The following UNC13C variants were observed in gnomAD, a reference collection of about 807,000 sequenced individuals.
UNC13C encodes the protein protein unc-13 homolog C.
In UNC13C, 174 loss-of-function variants were observed where a neutral mutation model predicts 245.4. The observed-to-expected ratio is 0.71, with a 90% confidence interval of 0.63 to 0.80. The LOEUF (loss-of-function observed/expected upper bound fraction) is 0.80. UNC13C is among the 30% of genes least tolerant of loss of function. The pLI is 0.00. For missense variants in UNC13C, 2,829 were observed against 2,602.9 expected (o/e 1.09, Z -1.89); for synonymous variants, 992 against 895.1 (o/e 1.11, Z -1.93).
At chr15:53,951,346 A>G in the UNC13C span, among the ~76,000 whole-genome samples, 34,244 of 152,208 alleles carry the variant, frequency 0.22, 4,877 homozygotes, top group Non-Finnish European at 0.31. Context: ...AAGGCTTCCT[A>G]TGGTATTCAA....
chr15:54,297,463 C>CT (rs1235487358), intron 11 of UNC13C, among the ~76,000 whole-genome samples: 5 of 152,044 alleles, frequency 3.3e-5, no homozygotes, highest in African/African-American at 4.8e-5. Context: ...AGAGATCCTC[C>CT]TGCCTCAGCC....
chr15:54,347,103 A>C (rs2038876465), intron 17 of UNC13C, among the ~76,000 whole-genome samples: 4 of 152,190 alleles, frequency 2.6e-5, no homozygotes, highest in Non-Finnish European at 5.9e-5. Context: ...GCATGAACAC[A>C]TCCATTTTAA....
intron 2 of UNC13C, among the ~76,000 whole-genome samples, chr15:54,118,938 A>G (rs2141190108): frequency 6.6e-6 from 1 of 150,870 alleles, no homozygotes; most frequent in Middle Eastern, 3.5e-3. Flanking sequence ...GTGATGTATC[A>G]CATTGATTGA....
At chr15:54,203,731 CAT>C (rs2034604597) in intron 4 of UNC13C, among the ~76,000 whole-genome samples, 2 of 131,582 alleles carry the variant, frequency 1.5e-5, no homozygotes, top group African/African-American at 2.6e-5. Flanking sequence ...CATATATACA[CAT>C]ATACATATAT....
intron 8 of UNC13C, among the ~76,000 whole-genome samples, chr15:54,263,791 A>G (rs528533602): frequency 6.6e-6 from 1 of 152,158 alleles, no homozygotes; most frequent in East Asian, 1.9e-4. Flanking sequence ...CTATTTCTCA[A>G]TTTTATTTTG....
At chr15:54,579,700 A>C (rs1461163995) in intron 30 of UNC13C, among the ~76,000 whole-genome samples, 1 of 152,194 alleles carries the variant, frequency 6.6e-6, no homozygotes, top group Admixed American at 6.5e-5. Flanking sequence ...CAGAGGTTGC[A>C]GTGAGCCGAG....
intron 10 of UNC13C, among the ~76,000 whole-genome samples, chr15:54,270,879 C>G (rs2036670489): frequency 6.6e-6 from 1 of 151,806 alleles, no homozygotes; most frequent in South Asian, 2.1e-4. Flanking sequence ...TTTTTTTCCC[C>G]CTACATCCAA....
At chr15:53,927,451 G>T in the UNC13C span, among the ~76,000 whole-genome samples, 1 of 152,208 alleles carries the variant, frequency 6.6e-6, no homozygotes, top group African/African-American at 2.4e-5. Context: ...TTTGGAGATA[G>T]AATTGATAGC....
intron 2 of UNC13C, among the ~76,000 whole-genome samples, chr15:54,131,910 T>C (rs1400726347): frequency 2.6e-5 from 4 of 152,096 alleles, no homozygotes; most frequent in Middle Eastern, 3.4e-3. Context: ...CCTTCACACA[T>C]CAACAAAACC....
chr15:53,849,162 A>T, the UNC13C span, among the ~76,000 whole-genome samples: 1 of 151,866 alleles, frequency 6.6e-6, no homozygotes, highest in Non-Finnish European at 1.5e-5. Flanking sequence ...ATCTAATATG[A>T]TATTTTCTGC....
intron 1 of UNC13C, among the ~76,000 whole-genome samples, chr15:54,007,693 G>A (rs1028116608): frequency 4.6e-5 from 7 of 152,144 alleles, no homozygotes; most frequent in African/African-American, 1.7e-4. Context: ...GGGTTGACAG[G>A]TGTAGCAAAC....
At chr15:53,945,514 T>C in the UNC13C span, among the ~76,000 whole-genome samples, 2 of 152,198 alleles carry the variant, frequency 1.3e-5, no homozygotes, top group African/African-American at 4.8e-5. Flanking sequence ...CTTTCCCCAT[T>C]GCTCATTTTT....
At chr15:54,459,586 AT>A (rs1372550285) in intron 19 of UNC13C, among the ~76,000 whole-genome samples, 1 of 151,494 alleles carries the variant, frequency 6.6e-6, no homozygotes, top group Non-Finnish European at 1.5e-5. Context: ...AGTTTTTTTC[AT>A]TTTTTTCTCT....
intron 2 of UNC13C, among the ~76,000 whole-genome samples, chr15:54,033,856 C>T (rs181189371): frequency 1.3e-5 from 2 of 152,198 alleles, no homozygotes; most frequent in Non-Finnish European, 2.9e-5. Flanking sequence ...TATGTCCTTT[C>T]ACTCTTCATT....
chr15:54,259,988 C>T (rs778075680), intron 8 of UNC13C, among the ~76,000 whole-genome samples: 2 of 151,612 alleles, frequency 1.3e-5, no homozygotes, highest in Non-Finnish European at 2.9e-5. Context: ...TTTCATAACA[C>T]ATTAAATTAA....
At chr15:54,038,961 A>C (rs11855892) in intron 2 of UNC13C, among the ~76,000 whole-genome samples, 1 of 152,086 alleles carries the variant, frequency 6.6e-6, no homozygotes, top group African/African-American at 2.4e-5. Flanking sequence ...TGGTTGTACT[A>C]TCTTGGGCCA....
chr15:54,482,912 TCTAA>T (rs1404034698), intron 19 of UNC13C, among the ~76,000 whole-genome samples: 3 of 152,204 alleles, frequency 2.0e-5, no homozygotes, highest in South Asian at 4.1e-4. Flanking sequence ...TTTCTTATCC[TCTAA>T]CTTTTTAATG....
At chr15:53,940,211 C>T in the UNC13C span, among the ~76,000 whole-genome samples, 15 of 152,042 alleles carry the variant, frequency 9.9e-5, no homozygotes, top group East Asian at 7.8e-4. Flanking sequence ...GAGAGGTTTG[C>T]GGGGAGTGTT....
At chr15:54,224,663 G>A (rs1206029916) in intron 4 of UNC13C, among the ~76,000 whole-genome samples, 4 of 152,130 alleles carry the variant, frequency 2.6e-5, no homozygotes, top group Admixed American at 2.0e-4. Flanking sequence ...GTTATAGAAT[G>A]AGTCTAGAAG....
Sources: allele counts gnomAD v4.1 joint callset (sites outside exome capture counted in the v4.1 genomes callset), GRCh38; gene constraint gnomAD v4.1.1; transcripts MANE v1.5; gene names NCBI Gene and HGNC (gene_info 2026-07-23, HGNC 2026-07-21).